The following MEAK7 variants were observed in gnomAD, a reference collection of about 807,000 sequenced individuals.
MEAK7 encodes MTOR-associated protein MEAK7.
Under a neutral mutation model 40.5 loss-of-function variants are expected in MEAK7, and 68 were observed. The ratio of observed to expected loss-of-function variants is 1.68; its 90% CI spans 1.38 to 2.06. The LOEUF (loss-of-function observed/expected upper bound fraction) is 2.06, where lower values mean the gene tolerates loss of function less well. MEAK7 is among the 30% of genes most tolerant of loss of function. The pLI, the probability that MEAK7 is intolerant of heterozygous loss-of-function variation, is 0.00. For missense variants in MEAK7, 918 were observed against 580.5 expected, an observed-to-expected ratio of 1.58 and a Z score of -5.98; for synonymous variants, 338 against 231.9, an observed-to-expected ratio of 1.46 and a Z score of -4.16.
chr16:84,498,565 G>A (rs938899342), intron 1 of MEAK7, among the ~76,000 whole-genome samples: 5 of 151,856 alleles, frequency 3.3e-5, no homozygotes, highest in Admixed American at 1.3e-4. Flanking sequence ...GTGAACCACC[G>A]TGACTAGCTA....
intron 5 of MEAK7, among the ~76,000 whole-genome samples, chr16:84,485,665 T>TCCAA (rs1555512555): frequency 6.6e-6 from 1 of 151,076 alleles, no homozygotes; most frequent in Admixed American, 6.6e-5. Context: ...CATCCATCCA[T>TCCAA]CTATCTACCT....
chr16:84,483,737 T>C (rs1466433601), intron 5 of MEAK7, among the ~76,000 whole-genome samples: 1 of 152,146 alleles, frequency 6.6e-6, no homozygotes, highest in Non-Finnish European at 1.5e-5. Flanking sequence ...GGGAGGCTTC[T>C]GGGAGGCAGC....
chr16:84,495,914 C>T lies in MEAK7; in HGVS notation c.154-1G>A. On this transcript the variant is annotated splice_acceptor_variant, in intron 2 of 7. Transcript: ENST00000343629. LOFTEE classifies it high-confidence loss of function. ...GGGGAAGAGCTTCCCCGACGTGGTT[C>T]TGCCGGGGACAAGCAGAAAAATATG... The T allele has an allele frequency of 6.2e-7, 1 of 1,613,850 alleles. No individual in the cohort carries two copies. The highest frequency in any genetic ancestry group is 1.1e-5 in the South Asian group (1 of 91,068).
At chr16:84,482,750 C>T (rs1340694589) in intron 5 of MEAK7, 40 bp from the exon 6 acceptor site, 1 of 1,610,768 alleles carries the variant, frequency 6.2e-7, no homozygotes, top group Non-Finnish European at 8.5e-7. Context: ...GGGTCGGTGT[C>T]TGAGCCGGTC....
chr16:84,482,263 C>T (rs746263321), intron 6 of MEAK7, among the ~76,000 whole-genome samples: 16 of 152,336 alleles, frequency 1.1e-4, no homozygotes, highest in African/African-American at 2.9e-4. Flanking sequence ...GCCAGCGACG[C>T]GCAGGGACAG....
chr16:84,493,037 A>C (rs918336808), intron 3 of MEAK7, among the ~76,000 whole-genome samples: 2 of 152,228 alleles, frequency 1.3e-5, no homozygotes, highest in African/African-American at 4.8e-5. Flanking sequence ...ATCATACAGG[A>C]AGCACTGTCA....
intron 1 of MEAK7, chr16:84,504,012 G>A: frequency 1.0e-6 from 1 of 985,520 alleles, no homozygotes; most frequent in Non-Finnish European, 1.2e-6. Context: ...TCGAAGTCCT[G>A]TCTGTGTCTC....
chr16:84,494,265 C>G (rs769555074), intron 3 of MEAK7, among the ~76,000 whole-genome samples: 39 of 152,214 alleles, frequency 2.6e-4, no homozygotes, highest in Non-Finnish European at 5.1e-4. Flanking sequence ...AAGTGGGGAA[C>G]TGAAGAGAGA....
rs8046813 is a variant in MEAK7 at position 84,498,058 on chromosome 16, C to A, written c.29G>T (p.Arg10Leu). ...AGGAAGAAACTGTGAACAAAAGCTCCGCCCCACACGGCTTCTGCTGTTCCC... is the reference window on the plus strand; with the variant it reads ...AGGAAGAAACTGTGAACAAAAGCTCAGCCCCACACGGCTTCTGCTGTTCCC... MGNSRSRVG[R>L]SFCSQFLPEE... Residue 10 changes from arginine to leucine, a missense_variant, in exon 2 of 8, where the codon CGG (arginine) becomes CTG (leucine). Coordinates refer to ENST00000343629, the MANE Select transcript of MEAK7 (RefSeq NM_020947.4). The A allele has an allele frequency of 3.2e-3, 5,133 of 1,613,464 alleles. 134 individuals carry two copies. The African/African-American group carries it at 0.056, about 17-fold the overall frequency.
At chr16:84,491,184 A>T (rs1217190317) in intron 3 of MEAK7, among the ~76,000 whole-genome samples, 1 of 152,234 alleles carries the variant, frequency 6.6e-6, no homozygotes, top group Admixed American at 6.5e-5. Context: ...TCACGCCTGT[A>T]ATCCCTCCAC....
intron 5 of MEAK7, 87 bp downstream of exon 5, chr16:84,486,544 C>G: frequency 2.0e-6 from 3 of 1,500,616 alleles, no homozygotes; most frequent in Non-Finnish European, 2.7e-6. Flanking sequence ...TGGGAGAGCC[C>G]TATTTAGCAC....
intron 5 of MEAK7, 153 bp downstream of exon 5, chr16:84,486,478 G>C: frequency 1.4e-6 from 2 of 1,431,750 alleles, no homozygotes; most frequent in Non-Finnish European, 1.8e-6. Context: ...ACACCATAGA[G>C]CAGCATCACA....
In MEAK7 at chr16:84,492,813, C is replaced by G. The variant is rs541246836; in HGVS notation, c.384+2870G>C. ...GCGAGGCTGGTCTTGAACTCTTGAC[C>G]TCAGATAATCCACCCACCTTGGCCT... On this transcript the variant is annotated intron_variant, in intron 3 of 7. Coordinates refer to ENST00000343629, the MANE Select transcript of MEAK7 (RefSeq NM_020947.4). Among the ~76,000 whole-genome samples the G allele has an allele frequency of 4.6e-5, 7 of 152,164 alleles. No homozygotes were observed. The East Asian group carries it at 9.6e-4, about 21-fold the overall frequency.
In MEAK7 at chr16:84,482,686, G is replaced by C. The variant is rs757475602; in HGVS notation, c.983C>G (p.Ser328Cys). ...GTACACAGCCATGCTGGGGCAGATGGAGAACAGGAAGCATCTGTTGTCCCC... is the reference window on the plus strand; with the variant it reads ...GTACACAGCCATGCTGGGGCAGATGCAGAACAGGAAGCATCTGTTGTCCCC... The part of the protein sequence containing the change: ...FQGDNRCFLF[S>C]ICPSMAVYTH... The change falls in exon 6 of 8, where the codon TCC (serine) becomes TGC (cysteine). Residue 328 changes from serine (S) to cysteine (C), a missense_variant. By Grantham distance (112) the Ser-to-Cys change is moderately radical. Transcript: ENST00000343629. The C allele has an allele frequency of 6.2e-7, 1 of 1,614,242 alleles. No homozygotes were observed. Among genetic ancestry groups the C allele is most frequent in the Admixed American group, 1.7e-5 (1 of 60,034 alleles).
chr16:84,485,629 A>ACTATCTAT (rs150947283), intron 5 of MEAK7, among the ~76,000 whole-genome samples: 4 of 144,482 alleles, frequency 2.8e-5, no homozygotes, highest in East Asian at 2.0e-4. Flanking sequence ...CATTTCAAAA[A>ACTATCTAT]CTATCTATCT....
Position 84,487,037 on chromosome 16 carries a change from G to T in MEAK7, c.552C>A (p.Pro184=), listed in dbSNP as rs774059093. The T allele has an allele frequency of 1.9e-6, 3 of 1,612,876 alleles. No individual in the cohort carries two copies. Among genetic ancestry groups the T allele is most frequent in the South Asian group, 1.1e-5 (1 of 90,850 alleles). Residue 184 remains proline (P), a synonymous_variant, in exon 5 of 8, where the codon CCC becomes CCA. Coordinates refer to ENST00000343629, the MANE Select transcript of MEAK7 (RefSeq NM_020947.4). ...KLQDGKRLLG[P]QWLDYDCDRA... ...GGTCACAGTCATAGTCCAGCCACTG[G>T]GGCCCCAGAAGTCTCTTGCCATCTA...
Position 84,479,442 on chromosome 16 carries a change from AATTCCCTAATGCCAGCG to A in MEAK7, c.*454_*470del, listed in dbSNP as rs1912305902. On this transcript the variant is annotated 3_prime_UTR_variant, in exon 8 of 8. Transcript: ENST00000343629. ...CAGCGGAATTCCCTAATGCCAGCGG[AATTCCCTAATGCCAGCG>A]GAATTCCCTAATGCCAGCGGAATTC... The A allele has an allele frequency of 7.4e-6, 1 of 135,926 alleles. No individual in the cohort carries two copies. Among genetic ancestry groups the A allele is most frequent in the African/African-American group, 2.8e-5 (1 of 35,696 alleles). 8.4% of individuals were successfully genotyped at this position (135,926 alleles called of 1,614,324 possible).
rs749220172 is a variant in MEAK7 at position 84,487,077 on chromosome 16, T to G, written c.530-18A>C. The G allele has an allele frequency of 4.4e-6, 7 of 1,599,166 alleles. No homozygotes were observed. In the South Asian group the frequency reaches 8.0e-5, roughly 18 times the overall value. ...CTTGCCATCTAGGGGAAGGGGATGGTCAGCATTAGTGGGGCTGTTATGTCA... is the reference window on the plus strand; with the variant it reads ...CTTGCCATCTAGGGGAAGGGGATGGGCAGCATTAGTGGGGCTGTTATGTCA... On this transcript the variant is annotated intron_variant, in intron 4 of 7. Transcript: ENST00000343629.
At chr16:84,495,288 TA>T (rs1213560500) in intron 3 of MEAK7, among the ~76,000 whole-genome samples, 1 of 152,060 alleles carries the variant, frequency 6.6e-6, no homozygotes, top group Non-Finnish European at 1.5e-5. Context: ...ATAAATAAAA[TA>T]AAATCTCCAC....
Sources: gnomAD v4.1 joint callset for allele counts (sites outside exome capture counted in the v4.1 genomes callset) on GRCh38, gnomAD v4.1.1 for gene constraint, MANE v1.5 for transcripts, NCBI Gene and HGNC (gene_info 2026-07-23, HGNC 2026-07-21) for gene names.